ZNF677: variants seen among roughly 807,000 people sequenced by gnomAD.
The protein encoded by ZNF677 is hypothetical protein MGC48625.
In ZNF677, 5 loss-of-function variants were observed where a neutral mutation model predicts 8.1. The observed-to-expected ratio is 0.62, with a 90% CI of 0.32 to 1.29. ZNF677 has a LOEUF of 1.29. ZNF677 is among the 50% of genes most tolerant of loss of function. ZNF677 has a pLI of 0.05. For missense variants in ZNF677, 685 were observed against 685.9 expected, an observed-to-expected ratio of 1.00 and a Z score of 0.01; for synonymous variants, 221 against 225.6, an observed-to-expected ratio of 0.98 and a Z score of 0.18.
At chr19:53,241,199 AATAT>A (rs1360414368) in intron 4 of ZNF677, 1 of 152,126 alleles carries the variant, frequency 6.6e-6, no homozygotes, top group Non-Finnish European at 1.5e-5. Context: ...AGCAGAAAAA[AATAT>A]ATATAATAAA....
At chr19:53,244,078 G>C (rs11881252) in intron 3 of ZNF677, 181 bp from the exon 4 acceptor site, 1 of 611,614 alleles carries the variant, frequency 1.6e-6, no homozygotes, top group African/African-American at 1.9e-5. Context: ...TTAGCTATTT[G>C]AGGCTGGGTG....
chr19:53,237,322 T>TA lies in ZNF677; in HGVS notation c.1404dup (p.Ile469TyrfsTer23). Reference sequence around the variant, plus strand: ...TGACCCCAAAGGTGTGAACGTTTGATAAAAGCTTTATCACATTTATTACAT... The same window carrying TA: ...TGACCCCAAAGGTGTGAACGTTTGATAAAAAGCTTTATCACATTTATTACAT... On this transcript the variant is annotated frameshift_variant, in exon 5 of 5. Transcript: ENST00000598513. LOFTEE classifies it low-confidence loss of function (END_TRUNC). 2.5e-6 allele frequency: 4 copies of TA among 1,613,824 alleles called. No individual in the cohort carries two copies. Among genetic ancestry groups the TA allele is most frequent in the Non-Finnish European group, 2.5e-6 (3 of 1,179,902 alleles).
At position 53,236,826 on chromosome 19, in the gene ZNF677, T is replaced by G; in HGVS notation, c.*146A>C. The G allele has an allele frequency of 1.5e-6, 1 of 684,022 alleles. No homozygotes were observed. The allele number at this position is 684,022 out of a possible 1,614,324, so 42.4% of individuals were successfully genotyped here. A position where few individuals can be genotyped will look rare whatever the true frequency, so the allele number is the denominator to read the frequency against. On this transcript the variant is annotated 3_prime_UTR_variant, in exon 5 of 5. Transcript: ENST00000598513. Reference sequence around the variant, plus strand: ...TATGATGTTCCACAAGGCTTGAACTTTGGATAAGCCTTGCCATACATGTTA... The same window carrying G: ...TATGATGTTCCACAAGGCTTGAACTGTGGATAAGCCTTGCCATACATGTTA...
chr19:53,244,075 T>C (rs1360773198), intron 3 of ZNF677, 178 bp from the exon 4 acceptor site: 8 of 627,398 alleles, frequency 1.3e-5, no homozygotes, highest in Non-Finnish European at 2.1e-5. Context: ...AAATTAGCTA[T>C]TTGAGGCTGG....
Position 53,236,762 on chromosome 19 carries a change from A to T in ZNF677, c.*210T>A. 1 of 436,034 alleles carries T rather than the reference A, an allele frequency of 2.3e-6. No individual in the cohort carries two copies. The highest frequency in any genetic ancestry group is 4.1e-5 in the Admixed American group (1 of 24,486). 27.0% of individuals were successfully genotyped at this position (436,034 alleles called of 1,614,324 possible). A position where few individuals can be genotyped will look rare whatever the true frequency, so the allele number is the denominator to read the frequency against. On this transcript the variant is annotated 3_prime_UTR_variant, in exon 5 of 5. Coordinates refer to ENST00000598513, the MANE Select transcript of ZNF677 (RefSeq NM_182609.4). ...TAAATATTTTTATAAAGCTGTTCAC[A>T]TTCATTATATTTGTAAGGCTTCTCT...
In ZNF677 at chr19:53,237,188, T is replaced by C; in HGVS notation, c.1539A>G (p.Lys513=). Residue 513 remains lysine, a synonymous_variant, in exon 5 of 5, where the codon AAA becomes AAG. Coordinates refer to ENST00000598513, the MANE Select transcript of ZNF677 (RefSeq NM_182609.4). ...TQHKKIHTGE[K]PYKCTECGKA... ...TGCCACATTCAGTACATTTGTAAGG[T>C]TTCTCTCCAGTATGGATTTTCTTAT... 1 of 1,612,682 alleles carries C rather than the reference T, an allele frequency of 6.2e-7. No homozygotes were observed. Among genetic ancestry groups the C allele is most frequent in the Non-Finnish European group, 8.5e-7 (1 of 1,178,934 alleles).
At position 53,237,567 on chromosome 19, in the gene ZNF677, C is replaced by T. The variant is rs780093697; in HGVS notation, c.1160G>A (p.Arg387His). Residue 387 changes from arginine (R) to histidine (H), a missense_variant, in exon 5 of 5, where the codon CGT becomes CAT. Transcript: ENST00000598513. ...CNECDKAFAERSSLTQHKRIH... is the reference protein window; with the variant it reads ...CNECDKAFAEHSSLTQHKRIH... Reference sequence around the variant, plus strand: ...TCTCTTATGTTGGGTAAGGCTTGAACGTTCAGCAAAGGCTTTGTCACATTC... The same window carrying T: ...TCTCTTATGTTGGGTAAGGCTTGAATGTTCAGCAAAGGCTTTGTCACATTC... 9.9e-6 allele frequency: 16 copies of T among 1,613,550 alleles called. No individual in the cohort carries two copies. In the Admixed American group the frequency reaches 1.3e-4, roughly 13 times the overall value.
chr19:53,250,354 G>T (rs1256409455), intron 3 of ZNF677, among the ~76,000 whole-genome samples: 3 of 152,128 alleles, frequency 2.0e-5, no homozygotes, highest in Non-Finnish European at 4.4e-5. Flanking sequence ...CCCATCATGC[G>T]TGCATGAACA....
At chr19:53,246,180 T>C (rs1307046769) in intron 3 of ZNF677, among the ~76,000 whole-genome samples, 4 of 151,836 alleles carry the variant, frequency 2.6e-5, no homozygotes, top group African/African-American at 9.7e-5. Flanking sequence ...TAGCCAGGCA[T>C]GGTGGCGGGC....
intron 3 of ZNF677, among the ~76,000 whole-genome samples, chr19:53,245,716 T>C (rs1187648358): frequency 6.6e-6 from 1 of 152,000 alleles, no homozygotes; most frequent in East Asian, 1.9e-4. Flanking sequence ...CGGAGGTTCC[T>C]CAAAAATTAA....
At chr19:53,248,697 T>C (rs999867892) in intron 3 of ZNF677, among the ~76,000 whole-genome samples, 1 of 152,374 alleles carries the variant, frequency 6.6e-6, no homozygotes, top group South Asian at 2.1e-4. Context: ...AGGGTCACTG[T>C]ACATGACAAA....
chr19:53,247,401 T>A (rs1474935907), intron 3 of ZNF677, among the ~76,000 whole-genome samples: 2 of 145,408 alleles, frequency 1.4e-5, no homozygotes, highest in East Asian at 4.2e-4. Context: ...AAAAAAAAAA[T>A]CACAAAAAAA....
At chr19:53,244,886 T>C (rs1287113736) in intron 3 of ZNF677, among the ~76,000 whole-genome samples, 1 of 152,182 alleles carries the variant, frequency 6.6e-6, no homozygotes, top group Non-Finnish European at 1.5e-5. Context: ...AGTATGGTAC[T>C]GGCATAAAAT....
chr19:53,238,877 A>G (rs1315972375), intron 4 of ZNF677: 1 of 190,182 alleles, frequency 5.3e-6, no homozygotes, highest in Non-Finnish European at 1.1e-5. Flanking sequence ...GTAAATTGGC[A>G]TAGCTATATG....
chr19:53,237,237 G>A lies in ZNF677; in HGVS notation c.1490C>T (p.Thr497Ile), dbSNP rs2090980743. The part of the protein sequence containing the change: ...YKCTECGKAF[T>I]ERSNLTQHKK... ...ATGCTGAGTAAGATTTGAACGTTCA[G>A]TAAAGGCTTTGCCACATTCAGTACA... The change falls in exon 5 of 5, where the codon ACT (threonine) becomes ATT (isoleucine). Residue 497 changes from threonine to isoleucine, a missense_variant. By Grantham distance (89) the Thr-to-Ile change is moderately conservative. Coordinates refer to ENST00000598513, the MANE Select transcript of ZNF677 (RefSeq NM_182609.4). The A allele has an allele frequency of 1.2e-6, 2 of 1,612,736 alleles. No individual in the cohort carries two copies. The highest frequency in any genetic ancestry group is 4.5e-5 in the East Asian group (2 of 44,864).
At chr19:53,252,832 T>C (rs2091255820) in intron 2 of ZNF677, among the ~76,000 whole-genome samples, 1 of 152,128 alleles carries the variant, frequency 6.6e-6, no homozygotes, top group Non-Finnish European at 1.5e-5. Context: ...CAGCTGAGCC[T>C]TGAGCAACAC....
Position 53,249,781 on chromosome 19 carries a change from C to G in ZNF677, c.15+1755G>C, listed in dbSNP as rs573008467. Among the ~76,000 whole-genome samples, 269 of 152,234 alleles carry G rather than the reference C, an allele frequency of 1.8e-3. 2 individuals are homozygous for G. Among genetic ancestry groups the G allele is most frequent in the Non-Finnish European group, 3.3e-3 (226 of 68,018 alleles). On this transcript the variant is annotated intron_variant, in intron 3 of 4. Transcript: ENST00000598513. ...TGTAGTATTTAACAAGTAGTGTAAT[C>G]AGAATTTGGCTCCTGCCTCTCTGAT... is the stretch of plus-strand genomic sequence containing the variant.
intron 3 of ZNF677, among the ~76,000 whole-genome samples, chr19:53,245,602 C>T (rs1010572843): frequency 8.6e-5 from 13 of 151,810 alleles, no homozygotes; most frequent in African/African-American, 2.9e-4. Context: ...AGGATGACCA[C>T]TAAAGAAAAA....
chr19:53,238,217 T>A lies in ZNF677; in HGVS notation c.510A>T (p.Leu170Phe), dbSNP rs147911466. The A allele has an allele frequency of 9.9e-6, 16 of 1,613,906 alleles. No individual in the cohort carries two copies. The highest frequency in any genetic ancestry group is 1.4e-5 in the Non-Finnish European group (16 of 1,179,978). The change falls in exon 5 of 5, where the codon TTA becomes TTT. Residue 170 changes from leucine to phenylalanine, a missense_variant. Coordinates refer to ENST00000598513, the MANE Select transcript of ZNF677 (RefSeq NM_182609.4). ...IHDKPFIRNL[L>F]KLKNNIRYAG... ...CATACCTTATGTTATTTTTCAGTTT[T>A]AACAAATTCCTTATAAATGGCTTGT...
Sources: gnomAD v4.1 joint callset for allele counts (sites outside exome capture counted in the v4.1 genomes callset) on GRCh38, gnomAD v4.1.1 for gene constraint, MANE v1.5 for transcripts, NCBI Gene and HGNC (gene_info 2026-07-23, HGNC 2026-07-21) for gene names.